The following KCNMA1 variants were observed in gnomAD, a reference collection of about 807,000 sequenced individuals.
The protein encoded by KCNMA1 is Calcium-activated potassium channel subunit alpha-1.
A neutral mutation model predicts 140.0 loss-of-function variants in KCNMA1; 29 were observed. That is an observed-to-expected ratio of 0.21 (90% CI 0.15 to 0.28). KCNMA1 has a LOEUF of 0.28. Ranked by LOEUF, KCNMA1 falls within the 10% of genes least tolerant of loss-of-function variation. The pLI is 1.00. For synonymous variants in KCNMA1, 612 were observed against 611.9 expected (o/e 1.00, Z 0.00); for missense variants, 880 against 1,602.2 (o/e 0.55, Z 7.70).
chr10:77,355,608 T>A (rs1421750230), intron 2 of KCNMA1, among the ~76,000 whole-genome samples: 2 of 152,172 alleles, frequency 1.3e-5, no homozygotes, highest in Non-Finnish European at 2.9e-5. Context: ...CCAAAGGATA[T>A]GAAAGATAGC....
chr10:77,089,810 G>A (rs893043826), intron 10 of KCNMA1, among the ~76,000 whole-genome samples: 1 of 152,210 alleles, frequency 6.6e-6, no homozygotes, highest in African/African-American at 2.4e-5. Flanking sequence ...TCAGCCAGTA[G>A]TTGGTTGAGT....
intron 1 of KCNMA1, among the ~76,000 whole-genome samples, chr10:77,570,032 A>G (rs1302414325): frequency 7.9e-5 from 12 of 152,048 alleles, no homozygotes; most frequent in South Asian, 6.2e-4. Flanking sequence ...CAAAACCACA[A>G]TGAGATACCA....
intron 1 of KCNMA1, among the ~76,000 whole-genome samples, chr10:77,543,347 C>T (rs912927597): frequency 6.6e-6 from 1 of 152,078 alleles, no homozygotes; most frequent in African/African-American, 2.4e-5. Context: ...AGGTAAGTCA[C>T]AAAAGGAGTC....
downstream of KCNMA1, among the ~76,000 whole-genome samples, chr10:76,880,543 A>C (rs2034219503): frequency 6.6e-6 from 1 of 152,236 alleles, no homozygotes; most frequent in South Asian, 2.1e-4. Context: ...CGTTTTACTA[A>C]AATGTCTGGT....
At chr10:77,592,710 G>C (rs1392335381) in intron 1 of KCNMA1, among the ~76,000 whole-genome samples, 1 of 152,198 alleles carries the variant, frequency 6.6e-6, no homozygotes, top group Non-Finnish European at 1.5e-5. Context: ...ACTCAGTCTT[G>C]CCAGGATGTT....
chr10:77,472,018 C>A, intron 1 of KCNMA1, among the ~76,000 whole-genome samples: 1 of 108,316 alleles, frequency 9.2e-6, no homozygotes, highest in South Asian at 2.4e-4. Flanking sequence ...ACATACACCA[C>A]ACACCACACA....
At chr10:77,630,895 C>T (rs2093104387) in intron 1 of KCNMA1, among the ~76,000 whole-genome samples, 1 of 151,824 alleles carries the variant, frequency 6.6e-6, no homozygotes, top group Admixed American at 6.6e-5. Context: ...CACTTGAACC[C>T]AGGAGTTCAA....
intron 2 of KCNMA1, among the ~76,000 whole-genome samples, chr10:77,318,294 C>T (rs1297429341): frequency 6.6e-6 from 1 of 152,112 alleles, no homozygotes; most frequent in Non-Finnish European, 1.5e-5. Context: ...ACTGTGATCG[C>T]CAATTTACAG....
intron 1 of KCNMA1, among the ~76,000 whole-genome samples, chr10:77,632,956 G>A (rs1326423631): frequency 6.6e-6 from 1 of 152,232 alleles, no homozygotes; most frequent in Non-Finnish European, 1.5e-5. Flanking sequence ...TAATAAATGT[G>A]AGATCCATGA....
chr10:77,536,303 G>A (rs1220365419), intron 1 of KCNMA1, among the ~76,000 whole-genome samples: 1 of 152,224 alleles, frequency 6.6e-6, no homozygotes, highest in Non-Finnish European at 1.5e-5. Flanking sequence ...TGAGGCCACA[G>A]TTCCTGGCAT....
At chr10:77,036,533 C>A (rs186701772) in intron 15 of KCNMA1, among the ~76,000 whole-genome samples, 1 of 152,208 alleles carries the variant, frequency 6.6e-6, no homozygotes, top group African/African-American at 2.4e-5. Flanking sequence ...ATTGTTTTAG[C>A]GCAGCGCATA....
chr10:76,892,518 G>A (rs181055581), intron 25 of KCNMA1, among the ~76,000 whole-genome samples: 14 of 152,242 alleles, frequency 9.2e-5, no homozygotes, highest in South Asian at 2.1e-4. Context: ...CTCAGGTAAG[G>A]GTGTGCATTC....
At chr10:77,277,425 G>A (rs544135805) in intron 2 of KCNMA1, among the ~76,000 whole-genome samples, 7 of 152,220 alleles carry the variant, frequency 4.6e-5, no homozygotes, top group African/African-American at 1.7e-4. Context: ...TAAAACTTCC[G>A]AATCATTGAT....
At chr10:77,443,077 C>T (rs2097443830) in intron 1 of KCNMA1, among the ~76,000 whole-genome samples, 1 of 152,194 alleles carries the variant, frequency 6.6e-6, no homozygotes, top group African/African-American at 2.4e-5. Flanking sequence ...TCCAGGGTGG[C>T]TGGGTACACA....
At chr10:77,208,474 A>C (rs2154169726) in intron 3 of KCNMA1, among the ~76,000 whole-genome samples, 1 of 152,322 alleles carries the variant, frequency 6.6e-6, no homozygotes, top group African/African-American at 2.4e-5. Context: ...ACATAGCAAG[A>C]CCTTGTCTCT....
At chr10:77,150,234 A>G (rs1483203692) in intron 5 of KCNMA1, 1 of 152,202 alleles carries the variant, frequency 6.6e-6, no homozygotes, top group East Asian at 1.9e-4. Context: ...AATAAAATCA[A>G]ACCATCATTA....
At chr10:76,976,544 T>TTAGA (rs921016554) in intron 19 of KCNMA1, among the ~76,000 whole-genome samples, 26 of 152,118 alleles carry the variant, frequency 1.7e-4, no homozygotes, top group Non-Finnish European at 4.4e-5. Context: ...ATTGGGTAAA[T>TTAGA]TAGATGTGCC....
chr10:76,916,267 G>A (rs1236063492), intron 23 of KCNMA1, among the ~76,000 whole-genome samples: 1 of 152,148 alleles, frequency 6.6e-6, no homozygotes, highest in Non-Finnish European at 1.5e-5. Flanking sequence ...AAAGCAGCCT[G>A]CTTGGTCTCT....
At chr10:77,476,360 A>G (rs907575543) in intron 1 of KCNMA1, among the ~76,000 whole-genome samples, 3 of 151,972 alleles carry the variant, frequency 2.0e-5, no homozygotes, top group African/African-American at 7.2e-5. Context: ...CCTAAATCCA[A>G]TCCACCTCCC....
Sources: allele counts gnomAD v4.1 joint callset (sites outside exome capture counted in the v4.1 genomes callset), GRCh38; gene constraint gnomAD v4.1.1; transcripts MANE v1.5; gene names NCBI Gene and HGNC (gene_info 2026-07-23, HGNC 2026-07-21).